The following PLD5 variants were observed in gnomAD, a reference collection of about 807,000 sequenced individuals.
PLD5 encodes the protein inactive phospholipase D5.
A neutral mutation model predicts 61.1 loss-of-function variants in PLD5; 36 were observed. The observed-to-expected ratio is 0.59, with a 90% CI of 0.45 to 0.78. The LOEUF is 0.78. Ranked by LOEUF, PLD5 falls within the 30% of genes least tolerant of loss-of-function variation. PLD5 has a pLI of 0.00. For missense variants in PLD5, 515 were observed against 644.4 expected (o/e 0.80, Z 2.17); for synonymous variants, 243 against 242.8 (o/e 1.00, Z -0.01).
intron 7 of PLD5, among the ~76,000 whole-genome samples, chr1:242,108,681 C>T (rs572598739): frequency 1.9e-4 from 29 of 152,304 alleles, no homozygotes; most frequent in Non-Finnish European, 2.9e-5. Flanking sequence ...TCCCTCCCCT[C>T]GGCCCTGACA....
intron 5 of PLD5, among the ~76,000 whole-genome samples, chr1:242,166,177 T>G (rs1666289181): frequency 6.6e-6 from 1 of 152,100 alleles, no homozygotes; most frequent in Non-Finnish European, 1.5e-5. Context: ...AGAGCTATGG[T>G]CAGGCAGGCA....
chr1:242,085,501 A>G lies in PLD5; in HGVS notation c.*4353T>C, dbSNP rs1659406121. 9 of 152,242 alleles carry G rather than the reference A, an allele frequency of 5.9e-5. No homozygotes were observed. The highest frequency in any genetic ancestry group is 4.6e-4 in the Admixed American group (7 of 15,286). 9.4% of individuals were successfully genotyped at this position (152,242 alleles called of 1,614,324 possible). The stretch of plus-strand genomic sequence containing the variant: ...CAAAAGCCTCCGTCCATTTAAGTCA[A>G]TAAGGTGAAAATGGTAAGCAGCTAT... On this transcript the variant is annotated 3_prime_UTR_variant, in exon 10 of 10. Coordinates refer to ENST00000536534, the MANE Select transcript of PLD5 (RefSeq NM_001372062.1).
At chr1:242,404,089 C>T (rs576502576) in intron 1 of PLD5, among the ~76,000 whole-genome samples, 2 of 152,230 alleles carry the variant, frequency 1.3e-5, no homozygotes, top group South Asian at 2.1e-4. Context: ...CAACAGAAAC[C>T]GGTCCCTGCC....
rs151178272 is a variant in PLD5, at chr1:242,207,042, C to T, written c.735+12946G>A. Among the ~76,000 whole-genome samples, 923 of 152,280 alleles carry T rather than the reference C, an allele frequency of 6.1e-3. 11 individuals carry two copies. Among genetic ancestry groups the T allele is most frequent in the African/African-American group, 0.018 (728 of 41,544 alleles). On this transcript the variant is annotated intron_variant, in intron 5 of 9. Transcript: ENST00000536534. ...ATTCCTTCTTCTTTGGGAAACCCCA[C>T]TCTTGTTTGGGAAACTCCACTTCAA...
Position 242,199,336 on chromosome 1 carries a change from T to G in PLD5, c.735+20652A>C, listed in dbSNP as rs571340409. On this transcript the variant is annotated intron_variant, in intron 5 of 9. Transcript: ENST00000536534. ...GTGGCGCAATCTTGGCTCACTGCAA[T>G]CTCTGCCTCCCAGGTTCAAGTGATT... 7.2e-4 allele frequency among the ~76,000 whole-genome samples: 109 copies of G among 151,688 alleles called. 1 individual carries two copies. In the South Asian group the frequency reaches 0.021, roughly 29 times the overall value.
Position 242,279,532 on chromosome 1 carries a change from T to G in PLD5, c.495+8830A>C, listed in dbSNP as rs1259891145. On this transcript the variant is annotated intron_variant, in intron 3 of 9. Transcript: ENST00000536534. Reference sequence around the variant, plus strand: ...TACCTGAAAAATATGTGTATTTTTCTGTCTCTCATTTTTTTTTTTCGAGAC... The same window carrying G: ...TACCTGAAAAATATGTGTATTTTTCGGTCTCTCATTTTTTTTTTTCGAGAC... 2.6e-5 allele frequency among the ~76,000 whole-genome samples: 4 copies of G among 151,358 alleles called. No homozygotes were observed. In the Admixed American group the frequency reaches 2.7e-4, roughly 10 times the overall value.
chr1:242,249,860 A>G (rs1283647832), intron 4 of PLD5, among the ~76,000 whole-genome samples: 2 of 152,216 alleles, frequency 1.3e-5, no homozygotes, highest in East Asian at 1.9e-4. Flanking sequence ...TTCAAGTGCT[A>G]TTTTCTATTA....
Position 242,404,872 on chromosome 1 carries a change from C to T in PLD5, c.190-56630G>A, listed in dbSNP as rs562244992. 4.7e-4 allele frequency among the ~76,000 whole-genome samples: 37 copies of T among 78,858 alleles called. No homozygotes were observed. In the East Asian group the frequency reaches 0.011, roughly 24 times the overall value. The allele number at this position is 78,858 out of a possible 152,430, so 51.7% of individuals were successfully genotyped here. ...ATCCATGCCTCTTATCTGTTCCCTG[C>T]TAATTTTTTTTTTTTTTTTTTTTTT... On this transcript the variant is annotated intron_variant, in intron 1 of 9. Transcript: ENST00000536534.
intron 6 of PLD5, among the ~76,000 whole-genome samples, chr1:242,120,038 T>C (rs997576538): frequency 6.6e-6 from 1 of 152,186 alleles, no homozygotes; most frequent in Non-Finnish European, 1.5e-5. Context: ...TGGATAAACC[T>C]TGAAGGCATT....
chr1:242,392,060 G>A (rs1281732442), intron 1 of PLD5, among the ~76,000 whole-genome samples: 1 of 152,162 alleles, frequency 6.6e-6, no homozygotes, highest in African/African-American at 2.4e-5. Context: ...TATAGAACAT[G>A]GAATACTATG....
Position 242,088,845 on chromosome 1 carries a change from G to T in PLD5, c.*1009C>A, listed in dbSNP as rs1659601196. 3 of 152,964 alleles carry T rather than the reference G, an allele frequency of 2.0e-5. No individual in the cohort carries two copies. The highest frequency in any genetic ancestry group is 7.2e-5 in the African/African-American group (3 of 41,468). The allele number at this position is 152,964 out of a possible 1,614,324, so 9.5% of individuals were successfully genotyped here. ...CATTTGGTATATTAAATAGCAGAAG[G>T]TATATTAAATAGCTCTAGAAACGTT... On this transcript the variant is annotated 3_prime_UTR_variant, in exon 10 of 10. Coordinates refer to ENST00000536534, the MANE Select transcript of PLD5 (RefSeq NM_001372062.1).
intron 1 of PLD5, among the ~76,000 whole-genome samples, chr1:242,521,094 G>A (rs1430462344): frequency 6.6e-6 from 1 of 152,192 alleles, no homozygotes; most frequent in African/African-American, 2.4e-5. Context: ...AAATTTCACA[G>A]TGGAATTCAA....
chr1:242,221,977 C>T (rs932992731), intron 4 of PLD5, among the ~76,000 whole-genome samples: 3 of 152,068 alleles, frequency 2.0e-5, no homozygotes, highest in African/African-American at 7.2e-5. Context: ...AGTCCAAAAC[C>T]AAGGTGTCAG....
chr1:242,228,116 A>G (rs1043561879), intron 4 of PLD5, among the ~76,000 whole-genome samples: 4 of 152,220 alleles, frequency 2.6e-5, no homozygotes, highest in Non-Finnish European at 5.9e-5. Context: ...TACACATTAC[A>G]CTTGCACACG....
intron 2 of PLD5, among the ~76,000 whole-genome samples, chr1:242,305,931 A>G (rs938533189): frequency 1.6e-4 from 24 of 152,262 alleles, no homozygotes; most frequent in Non-Finnish European, 2.8e-4. Context: ...CAAGGTAGAG[A>G]GGAGAAGGTC....
intron 1 of PLD5, among the ~76,000 whole-genome samples, chr1:242,460,455 T>C (rs1667083417): frequency 6.6e-6 from 1 of 152,156 alleles, no homozygotes. Context: ...ATTAGTGAAT[T>C]ACAAAATCAG....
chr1:242,104,951 G>A (rs1484920654), intron 8 of PLD5, among the ~76,000 whole-genome samples: 2 of 152,176 alleles, frequency 1.3e-5, no homozygotes, highest in East Asian at 3.9e-4. Flanking sequence ...TACTTACTAA[G>A]TTCAGGCAAT....
intron 2 of PLD5, among the ~76,000 whole-genome samples, chr1:242,339,437 G>A (rs1189026938): frequency 6.6e-6 from 1 of 152,174 alleles, no homozygotes; most frequent in African/African-American, 2.4e-5. Context: ...AGAGGGATGA[G>A]TTTCTTCAGC....
chr1:242,430,771 T>A (rs58266864), intron 1 of PLD5, among the ~76,000 whole-genome samples: 2,038 of 152,218 alleles, frequency 0.013, 57 homozygotes, highest in African/African-American at 0.046. Flanking sequence ...CAGGCACATG[T>A]CTAACTTGCT....
Sources: gnomAD v4.1 joint callset for allele counts (sites outside exome capture counted in the v4.1 genomes callset) on GRCh38, gnomAD v4.1.1 for gene constraint, MANE v1.5 for transcripts, NCBI Gene and HGNC (gene_info 2026-07-23, HGNC 2026-07-21) for gene names.